Variants in KCNH5 observed in about 807,000 individuals in gnomAD.
KCNH5 encodes the protein voltage-gated delayed rectifier potassium channel KCNH5.
In KCNH5, 46 loss-of-function variants were observed where a neutral mutation model predicts 96.1. That is an observed-to-expected ratio of 0.48 (90% CI 0.38 to 0.61). The LOEUF is 0.61. Ranked by LOEUF, KCNH5 falls within the 20% of genes least tolerant of loss-of-function variation. The pLI is 0.00. For missense variants in KCNH5, 907 were observed against 1,225.8 expected (o/e 0.74, Z 3.88); for synonymous variants, 439 against 449.8 (o/e 0.98, Z 0.30).
At chr14:62,892,156 C>G (rs1888723249) in intron 7 of KCNH5, among the ~76,000 whole-genome samples, 1 of 152,104 alleles carries the variant, frequency 6.6e-6, no homozygotes, top group Non-Finnish European at 1.5e-5. Flanking sequence ...AAAAAATAAG[C>G]CAAGTTGTGA....
At chr14:62,933,041 A>G (rs929453576) in intron 7 of KCNH5, among the ~76,000 whole-genome samples, 1 of 152,052 alleles carries the variant, frequency 6.6e-6, no homozygotes, top group Non-Finnish European at 1.5e-5. Context: ...AGGCAAAGGG[A>G]CTCCTGGAGA....
chr14:62,800,396 A>G (rs1886636637), intron 9 of KCNH5, among the ~76,000 whole-genome samples: 1 of 152,158 alleles, frequency 6.6e-6, no homozygotes. Context: ...AGGAAAATGC[A>G]TTTTGTCTGT....
intron 10 of KCNH5, among the ~76,000 whole-genome samples, chr14:62,740,572 T>C (rs1029940478): frequency 2.0e-5 from 3 of 152,178 alleles, no homozygotes; most frequent in African/African-American, 7.2e-5. Context: ...AAACATGATA[T>C]TTAAGAGACA....
chr14:63,042,204 C>A (rs1309793670), intron 1 of KCNH5, among the ~76,000 whole-genome samples: 1 of 151,972 alleles, frequency 6.6e-6, no homozygotes, highest in South Asian at 2.1e-4. Flanking sequence ...CTCTGTTTTG[C>A]TCCTTGTGTG....
intron 7 of KCNH5, among the ~76,000 whole-genome samples, chr14:62,936,209 G>C (rs1889677140): frequency 6.6e-6 from 1 of 152,156 alleles, no homozygotes; most frequent in African/African-American, 2.4e-5. Context: ...ACATGCTTTA[G>C]AAAGCTTTAA....
Position 62,788,504 on chromosome 14 carries a change from G to T in KCNH5, c.1823-8580C>A, listed in dbSNP as rs372402720. Among the ~76,000 whole-genome samples the T allele has an allele frequency of 2.6e-5, 4 of 152,266 alleles. No individual in the cohort carries two copies. The South Asian group carries it at 8.3e-4, about 32-fold the overall frequency. On this transcript the variant is annotated intron_variant, in intron 9 of 10. Coordinates refer to ENST00000322893, the MANE Select transcript of KCNH5 (RefSeq NM_139318.5). ...TCAGTTGATCAGACAGAGTGGCAAG[G>T]GTTTCAGAGGACTGACTCCAATTTT... is the stretch of plus-strand genomic sequence containing the variant.
intron 9 of KCNH5, among the ~76,000 whole-genome samples, chr14:62,791,570 A>T (rs966478142): frequency 5.3e-5 from 8 of 151,746 alleles, no homozygotes; most frequent in African/African-American, 1.4e-4. Flanking sequence ...GCTGAAAGTT[A>T]AAGAATGGAA....
At chr14:62,757,682 G>A (rs78921398) in intron 10 of KCNH5, among the ~76,000 whole-genome samples, 6,161 of 151,452 alleles carry the variant, frequency 0.041, 256 homozygotes, top group African/African-American at 0.11. Flanking sequence ...AACTCATTAT[G>A]TTACGTGAAA....
chr14:62,804,253 T>A (rs1886721586), intron 8 of KCNH5, among the ~76,000 whole-genome samples: 1 of 152,180 alleles, frequency 6.6e-6, no homozygotes, highest in African/African-American at 2.4e-5. Context: ...CACCCACCTT[T>A]CTGAAAAATC....
chr14:62,882,100 TAAAAAAAAAAAAAAA>T (rs143123435), intron 7 of KCNH5, among the ~76,000 whole-genome samples: 2 of 76,658 alleles, frequency 2.6e-5, no homozygotes, highest in African/African-American at 5.9e-5. Flanking sequence ...CCCCATTTCT[TAAAAAAAAAAAAAAA>T]AAAAAAAAAA....
intron 8 of KCNH5, among the ~76,000 whole-genome samples, chr14:62,838,765 C>T (rs910560916): frequency 1.3e-5 from 2 of 152,074 alleles, no homozygotes; most frequent in Admixed American, 1.3e-4. Context: ...GTCATTTAAC[C>T]TCTTACAGCC....
At chr14:62,761,312 G>C (rs1054484583) in intron 10 of KCNH5, among the ~76,000 whole-genome samples, 4 of 149,644 alleles carry the variant, frequency 2.7e-5, no homozygotes, top group African/African-American at 2.5e-5. Flanking sequence ...CCAAGATCAC[G>C]CCACTGCACT....
Position 62,779,829 on chromosome 14 carries a change from T to C in KCNH5, c.1918A>G (p.Ile640Val), listed in dbSNP as rs780014656. ...TTGAGCAAGGCTTCCCGCTTGATGA[T>C]GTGTAGGTCACAGTACGTCAGTGCC... is the stretch of plus-strand genomic sequence containing the variant. The part of the protein sequence containing the change: ...VRALTYCDLH[I>V]IKREALLKVL... The change falls in exon 10 of 11, where the codon ATC becomes GTC. Residue 640 changes from isoleucine to valine, a missense_variant. By Grantham distance (29) the Ile-to-Val change is conservative. This residue lies in a region of KCNH5 where 57 missense variants were observed against 76.0 expected (regional missense o/e 0.75). Coordinates refer to ENST00000322893, the MANE Select transcript of KCNH5 (RefSeq NM_139318.5). The C allele has an allele frequency of 3.7e-6, 6 of 1,614,004 alleles. No homozygotes were observed. The South Asian group carries it at 4.4e-5, about 12-fold the overall frequency.
At chr14:62,959,540 C>A (rs571479614) in intron 6 of KCNH5, among the ~76,000 whole-genome samples, 2 of 151,986 alleles carry the variant, frequency 1.3e-5, no homozygotes, top group Admixed American at 1.3e-4. Context: ...TACACATTTC[C>A]CTCTCCTTTT....
intron 8 of KCNH5, among the ~76,000 whole-genome samples, chr14:62,818,975 TA>T (rs1174530788): frequency 1.3e-5 from 2 of 152,186 alleles, no homozygotes; most frequent in Non-Finnish European, 2.9e-5. Flanking sequence ...TTTATCTATT[TA>T]TTTTTTTTGA....
intron 7 of KCNH5, among the ~76,000 whole-genome samples, chr14:62,851,137 A>G: frequency 6.6e-6 from 1 of 152,180 alleles, no homozygotes; most frequent in Admixed American, 6.6e-5. Flanking sequence ...ATTATTTTAA[A>G]AAAATGGAGT....
chr14:62,842,619 C>G (rs535930543), intron 8 of KCNH5, among the ~76,000 whole-genome samples: 1 of 152,184 alleles, frequency 6.6e-6, no homozygotes, highest in Admixed American at 6.5e-5. Flanking sequence ...TTAATAGCGT[C>G]TCTTGCTCAA....
Position 62,908,180 on chromosome 14 carries a change from A to C in KCNH5, c.1369+41953T>G, listed in dbSNP as rs961432757. Among the ~76,000 whole-genome samples the C allele has an allele frequency of 6.0e-4, 92 of 152,230 alleles. 1 individual carries two copies. The highest frequency in any genetic ancestry group is 1.3e-4 in the Non-Finnish European group (9 of 68,036). ...AGGGGAAAAAAACAGTTTGTTAAGCATCAATATGTAGTAAATAGGAGGCTA... is the reference window on the plus strand; with the variant it reads ...AGGGGAAAAAAACAGTTTGTTAAGCCTCAATATGTAGTAAATAGGAGGCTA... On this transcript the variant is annotated intron_variant, in intron 7 of 10. Coordinates refer to ENST00000322893, the MANE Select transcript of KCNH5 (RefSeq NM_139318.5).
chr14:63,027,534 C>T (rs1225851580), intron 1 of KCNH5, among the ~76,000 whole-genome samples: 1 of 148,920 alleles, frequency 6.7e-6, no homozygotes, highest in Non-Finnish European at 1.5e-5. Flanking sequence ...TGAGCAAATA[C>T]TTTAGGGTAT....
Sources: allele counts gnomAD v4.1 joint callset (sites outside exome capture counted in the v4.1 genomes callset), GRCh38; gene constraint gnomAD v4.1.1; regional missense constraint gnomAD v4.1.1; transcripts MANE v1.5; gene names NCBI Gene and HGNC (gene_info 2026-07-23, HGNC 2026-07-21).